The following SOX7 variants were observed in gnomAD, a reference collection of about 807,000 sequenced individuals.
SOX7 encodes the protein SRY-box transcription factor 7, also known as transcription factor SOX-7.
Under a neutral mutation model 24.9 loss-of-function variants are expected in SOX7, and 19 were observed. The ratio of observed to expected loss-of-function variants is 0.76; its 90% CI spans 0.53 to 1.12. SOX7 has a LOEUF of 1.12. Ranked by LOEUF, SOX7 falls within the 50% of genes most tolerant of loss-of-function variation. SOX7 has a pLI of 0.00. For missense variants in SOX7, 702 were observed against 535.0 expected (o/e 1.31, Z -3.08); for synonymous variants, 327 against 244.5 (o/e 1.34, Z -3.15).
Position 10,730,477 on chromosome 8 carries a change from G to T in SOX7, c.-44C>A, listed in dbSNP as rs370694180. ...TCGCTTCGCCTGGCGGGGCAGGCGC[G>T]GACCTGGCCCTCGCACGGGTCGGGG... is the stretch of plus-strand genomic sequence containing the variant. On this transcript the variant is annotated 5_prime_UTR_variant, in exon 1 of 2. Coordinates refer to ENST00000304501, the MANE Select transcript of SOX7 (RefSeq NM_031439.4). This position sits in a 1 kb window ranked among gnomAD's most constrained non-coding sequence, Gnocchi z 4.8. The T allele has an allele frequency of 7.4e-7, 1 of 1,345,418 alleles. No individual in the cohort carries two copies. The allele number at this position is 1,345,418 out of a possible 1,614,324, so 83.3% of individuals were successfully genotyped here. A position where few individuals can be genotyped will look rare whatever the true frequency, so the allele number is the denominator to read the frequency against.
chr8:10,726,426 T>C lies in SOX7; in HGVS notation c.479A>G (p.Glu160Gly), dbSNP rs1373196547. Residue 160 changes from glutamate to glycine, a missense_variant, in exon 2 of 2, where the codon GAG becomes GGG. By Grantham distance (98) the Glu-to-Gly change is moderately conservative. Transcript: ENST00000304501. ...SGSRGALGEK[E>G]DRGEYSPGTA... The stretch of plus-strand genomic sequence containing the variant: ...GCCGGGGGAGTACTCACCCCTGTCC[T>C]CCTTCTCCCCCAGCGCCCCCCGGCT... The C allele has an allele frequency of 2.5e-6, 4 of 1,612,078 alleles. No individual in the cohort carries two copies. The highest frequency in any genetic ancestry group is 2.7e-5 in the African/African-American group (2 of 74,868).
At chr8:10,727,461 T>G (rs536759183) in intron 1 of SOX7, among the ~76,000 whole-genome samples, 1 of 152,346 alleles carries the variant, frequency 6.6e-6, no homozygotes, top group Admixed American at 6.5e-5. Context: ...CCCTGCACTT[T>G]CCAGAGTCTC....
At position 10,724,434 on chromosome 8, in the gene SOX7, G is replaced by C. The variant is rs1339886742; in HGVS notation, c.*1304C>G. 6.6e-6 allele frequency: 1 copy of C among 152,364 alleles called. No individual in the cohort carries two copies. The highest frequency in any genetic ancestry group is 1.5e-5 in the Non-Finnish European group (1 of 68,172). The allele number at this position is 152,364 out of a possible 1,614,324, so 9.4% of individuals were successfully genotyped here. On this transcript the variant is annotated 3_prime_UTR_variant, in exon 2 of 2. Transcript: ENST00000304501. ...CAGTGGAGGAAGAGCAGAAAGAAGA[G>C]AAAAAGAAATCCCAGAAAAGAGAGT...
rs762273281 is a variant in SOX7, at chr8:10,726,030, A to C, written c.875T>G (p.Leu292Arg). 1 of 1,577,844 alleles carries C rather than the reference A, an allele frequency of 6.3e-7. No homozygotes were observed. ...AYYSPATYHP[L>R]HSNLQAHLGQ... ...CAGGTGGGCTTGGAGGTTGGAGTGG[A>C]GTGGGTGGTAGGTGGCCGGGGAGTA... Residue 292 changes from leucine to arginine, a missense_variant, in exon 2 of 2, where the codon CTC (leucine) becomes CGC (arginine). Coordinates refer to ENST00000304501, the MANE Select transcript of SOX7 (RefSeq NM_031439.4).
chr8:10,726,164 G>T lies in SOX7; in HGVS notation c.741C>A (p.Ala247=), dbSNP rs1215659767. The change falls in exon 2 of 2, where the codon GCC becomes GCA. Residue 247 remains alanine (A), a synonymous_variant. Transcript: ENST00000304501. ...LPGHPYSPEY[A]PSPLHCSHPL... is the part of the protein sequence containing the mutation. ...GGTGGCTACAGTGGAGAGGGCTTGGGGCGTACTCCGGTGAGTACGGGTGCC... is the reference window on the plus strand; with the variant it reads ...GGTGGCTACAGTGGAGAGGGCTTGGTGCGTACTCCGGTGAGTACGGGTGCC... 1 of 1,605,238 alleles carries T rather than the reference G, an allele frequency of 6.2e-7. No individual in the cohort carries two copies. Among genetic ancestry groups the T allele is most frequent in the South Asian group, 1.1e-5 (1 of 89,038 alleles).
chr8:10,727,149 T>C (rs1800171521), intron 1 of SOX7, among the ~76,000 whole-genome samples: 1 of 152,176 alleles, frequency 6.6e-6, no homozygotes, highest in Non-Finnish European at 1.5e-5. Flanking sequence ...ATGGCATAAA[T>C]CTCACAGCCC....
In SOX7 at chr8:10,730,260, G is replaced by A. The variant is rs369872856; in HGVS notation, c.174C>T (p.Asp58=). 4 of 1,578,832 alleles carry A rather than the reference G, an allele frequency of 2.5e-6. No individual in the cohort carries two copies. The highest frequency in any genetic ancestry group is 3.4e-6 in the Non-Finnish European group (4 of 1,164,374). The change falls in exon 1 of 2, where the codon GAC becomes GAT. Residue 58 remains aspartate (D), a synonymous_variant. Transcript: ENST00000304501. The surrounding 1 kb of genome is among the most constrained non-coding windows in gnomAD (Gnocchi z 4.8). ...TCTGCACTGCCAGCCGTTTCCTCTC[G>A]TCCTTGGCCCAAACCATGAAGGCGT... is the stretch of plus-strand genomic sequence containing the variant. ...PMNAFMVWAK[D]ERKRLAVQNP...
At chr8:10,726,978 T>G (rs1800168641) in intron 1 of SOX7, among the ~76,000 whole-genome samples, 1 of 152,234 alleles carries the variant, frequency 6.6e-6, no homozygotes, top group South Asian at 2.1e-4. Context: ...AAAGCCCACC[T>G]GACCATATGT....
Position 10,726,361 on chromosome 8 carries a change from G to T in SOX7, c.544C>A (p.Pro182Thr), listed in dbSNP as rs1380866994. 1 of 1,612,812 alleles carries T rather than the reference G, an allele frequency of 6.2e-7. No individual in the cohort carries two copies. ...PSLRGCYHEGPAGGGGGGTPS... is the reference protein window; with the variant it reads ...PSLRGCYHEGTAGGGGGGTPS... ...GTGCCGCCGCCGCCACCACCAGCCG[G>T]CCCCTCGTGGTAGCAGCCCCGGAGG... Residue 182 changes from proline (P) to threonine (T), a missense_variant, in exon 2 of 2, where the codon CCG (proline) becomes ACG (threonine). Coordinates refer to ENST00000304501, the MANE Select transcript of SOX7 (RefSeq NM_031439.4).
intron 1 of SOX7, chr8:10,729,567 A>G (rs2129063523): frequency 1.3e-5 from 2 of 152,168 alleles, no homozygotes; most frequent in South Asian, 4.1e-4. Context: ...CAGCCCAAGC[A>G]TCCGAATCAA....
intron 1 of SOX7, among the ~76,000 whole-genome samples, chr8:10,728,728 G>T (rs1800203456): frequency 6.6e-6 from 1 of 152,088 alleles, no homozygotes; most frequent in Non-Finnish European, 1.5e-5. Context: ...CCATTCCCTG[G>T]CCCAGGCCTG....
At chr8:10,728,901 G>T (rs1800206749) in intron 1 of SOX7, among the ~76,000 whole-genome samples, 1 of 152,180 alleles carries the variant, frequency 6.6e-6, no homozygotes, top group Non-Finnish European at 1.5e-5. Context: ...TAAACTTACA[G>T]GTTAAATAAA....
Position 10,730,244 on chromosome 8 carries a change from C to A in SOX7, c.190G>T (p.Ala64Ser). ...VWAKDERKRL[A>S]VQNPDLHNAE... ...TTGTGCAGGTCCGGGTTCTGCACTG[C>A]CAGCCGTTTCCTCTCGTCCTTGGCC... The change falls in exon 1 of 2, where the codon GCA becomes TCA. Residue 64 changes from alanine (A) to serine (S), a missense_variant. Coordinates refer to ENST00000304501, the MANE Select transcript of SOX7 (RefSeq NM_031439.4). This position sits in a 1 kb window ranked among gnomAD's most constrained non-coding sequence, Gnocchi z 4.8. 1 of 1,574,142 alleles carries A rather than the reference C, an allele frequency of 6.4e-7. No homozygotes were observed. Among genetic ancestry groups the A allele is most frequent in the South Asian group, 1.2e-5 (1 of 86,862 alleles).
At chr8:10,726,772 C>T in intron 1 of SOX7, 106 bp from the exon 2 acceptor site, 2 of 1,028,062 alleles carry the variant, frequency 1.9e-6, no homozygotes, top group Middle Eastern at 2.7e-4. Flanking sequence ...ACCTCCCTTC[C>T]CCCTCCCAGC....
At position 10,725,045 on chromosome 8, in the gene SOX7, G is replaced by C. The variant is rs1216194406; in HGVS notation, c.*693C>G. 1 of 152,652 alleles carries C rather than the reference G, an allele frequency of 6.6e-6. No homozygotes were observed. Among genetic ancestry groups the C allele is most frequent in the Non-Finnish European group, 1.5e-5 (1 of 68,470 alleles). 9.5% of individuals were successfully genotyped at this position (152,652 alleles called of 1,614,324 possible). On this transcript the variant is annotated 3_prime_UTR_variant, in exon 2 of 2. Coordinates refer to ENST00000304501, the MANE Select transcript of SOX7 (RefSeq NM_031439.4). ...CCTAGACTGTGCATATTCTCTTGAA[G>C]TGTGTGTATAATAAACAAATTAACA...
Position 10,726,649 on chromosome 8 carries a change from G to T in SOX7, c.256C>A (p.Leu86Met). Residue 86 changes from leucine to methionine, a missense_variant, in exon 2 of 2, where the codon CTG (leucine) becomes ATG (methionine). Physicochemically the swap from Leu to Met is conservative, Grantham distance 15. Coordinates refer to ENST00000304501, the MANE Select transcript of SOX7 (RefSeq NM_031439.4). ...SKMLGKSWKA[L>M]TLSQKRPYVD... ...TACGGCCTCTTCTGGGACAGCGTCA[G>T]CGCCTTCCACGACTTTCCTGCTCAC... 6.3e-7 allele frequency: 1 copy of T among 1,579,064 alleles called. No individual in the cohort carries two copies. The highest frequency in any genetic ancestry group is 8.6e-7 in the Non-Finnish European group (1 of 1,166,874).
chr8:10,726,885 G>T (rs1050928948), intron 1 of SOX7, among the ~76,000 whole-genome samples: 1 of 152,150 alleles, frequency 6.6e-6, no homozygotes, highest in Admixed American at 6.5e-5. Flanking sequence ...AAGCCAGATC[G>T]TGCACGGTGC....
Position 10,725,996 on chromosome 8 carries a change from A to G in SOX7, c.909T>C (p.Leu303=), listed in dbSNP as rs4841432. The change falls in exon 2 of 2, where the codon CTT becomes CTC. Residue 303 remains leucine (L), a synonymous_variant. Transcript: ENST00000304501. ...HSNLQAHLGQ[L]SPPPEHPGFD... ...AGCCAGGGTGCTCAGGAGGCGGGGA[A>G]AGCTGGCCCAGGTGGGCTTGGAGGT... 600,866 of 1,596,116 alleles carry G rather than the reference A, an allele frequency of 0.38. 120,476 individuals are homozygous for G. The highest frequency in any genetic ancestry group is 0.76 in the African/African-American group (56,982 of 74,770).
chr8:10,730,486 C>T lies in SOX7; in HGVS notation c.-53G>A. 7.7e-7 allele frequency: 1 copy of T among 1,303,822 alleles called. No individual in the cohort carries two copies. The highest frequency in any genetic ancestry group is 1.7e-5 in the South Asian group (1 of 58,064). 80.8% of individuals were successfully genotyped at this position (1,303,822 alleles called of 1,614,324 possible). The stretch of plus-strand genomic sequence containing the variant: ...CTGGCGGGGCAGGCGCGGACCTGGC[C>T]CTCGCACGGGTCGGGGCGTCCAACT... On this transcript the variant is annotated 5_prime_UTR_variant, in exon 1 of 2. Transcript: ENST00000304501. The surrounding 1 kb of genome is among the most constrained non-coding windows in gnomAD (Gnocchi z 4.8).
Sources: allele counts gnomAD v4.1 joint callset (sites outside exome capture counted in the v4.1 genomes callset), GRCh38; gene constraint gnomAD v4.1.1; non-coding constraint Gnocchi (gnomAD v3.1); transcripts MANE v1.5; gene names NCBI Gene and HGNC (gene_info 2026-07-23, HGNC 2026-07-21).